ATP9B: variants seen among roughly 807,000 people sequenced by gnomAD.
ATP9B encodes the protein probable phospholipid-transporting ATPase IIB.
Under a neutral mutation model 146.1 loss-of-function variants are expected in ATP9B, and 110 were observed. The observed-to-expected ratio is 0.75, with a 90% CI of 0.65 to 0.88. The LOEUF (loss-of-function observed/expected upper bound fraction) is 0.88, where lower values mean the gene tolerates loss of function less well. Among genes scored for constraint, ATP9B ranks in the 40% least tolerant of loss-of-function variants. The pLI, the probability that ATP9B is intolerant of heterozygous loss-of-function variation, is 0.00. For missense variants in ATP9B, 1,499 were observed against 1,496.4 expected (o/e 1.00, Z -0.03); for synonymous variants, 604 against 569.7 (o/e 1.06, Z -0.86).
At chr18:79,114,233 T>A (rs983991307) in intron 4 of ATP9B, among the ~76,000 whole-genome samples, 21 of 152,236 alleles carry the variant, frequency 1.4e-4, no homozygotes, top group African/African-American at 4.8e-4. Flanking sequence ...GTGCTGGGAT[T>A]ACAGGCGTGA....
chr18:79,085,481 AGCTCATAGTTCACTG>A (rs1446828253), intron 1 of ATP9B: 1 of 152,220 alleles, frequency 6.6e-6, no homozygotes, highest in Non-Finnish European at 1.5e-5. Context: ...CACACATAGT[AGCTCATAGTTCACTG>A]GGAACGCAGT....
intron 11 of ATP9B, among the ~76,000 whole-genome samples, chr18:79,247,891 CAT>C (rs1487432767): frequency 2.6e-5 from 4 of 152,102 alleles, no homozygotes; most frequent in Non-Finnish European, 4.4e-5. Flanking sequence ...GGTAGGCAAA[CAT>C]GTAGGTTATG....
chr18:79,329,417 TAC>T, intron 16 of ATP9B, 115 bp downstream of exon 16: 5 of 1,220,254 alleles, frequency 4.1e-6, no homozygotes, highest in Non-Finnish European at 5.5e-6. Flanking sequence ...TTTATGCTGT[TAC>T]AGTTTTGTTT....
chr18:79,126,249 C>A lies in ATP9B; in HGVS notation c.559-18C>A. On this transcript the variant is annotated intron_variant, in intron 4 of 29. Coordinates refer to ENST00000426216, the MANE Select transcript of ATP9B (RefSeq NM_198531.5). ...GTTAAAGTTTAGTTTTCTAAAAATA[C>A]CTTATTTTGTTTTATAGGGATTTGT... The A allele has an allele frequency of 6.4e-7, 1 of 1,561,586 alleles. No homozygotes were observed. Among genetic ancestry groups the A allele is most frequent in the Non-Finnish European group, 8.7e-7 (1 of 1,148,714 alleles).
At chr18:79,224,139 A>T (rs2095707044) in intron 11 of ATP9B, among the ~76,000 whole-genome samples, 1 of 152,250 alleles carries the variant, frequency 6.6e-6, no homozygotes, top group Admixed American at 6.5e-5. Context: ...CTCTGTAATC[A>T]AAATTCCTAA....
chr18:79,341,895 A>C (rs1486463847), intron 19 of ATP9B, among the ~76,000 whole-genome samples: 1 of 152,212 alleles, frequency 6.6e-6, no homozygotes, highest in Non-Finnish European at 1.5e-5. Context: ...TCCTAAACGG[A>C]AACTGTCCAT....
intron 7 of ATP9B, among the ~76,000 whole-genome samples, chr18:79,165,250 C>T (rs1483861198): frequency 6.6e-6 from 1 of 152,228 alleles, no homozygotes; most frequent in Non-Finnish European, 1.5e-5. Context: ...CTGTCTGGCT[C>T]TGCCTACTCT....
chr18:79,177,297 A>G (rs1043156731), intron 8 of ATP9B, among the ~76,000 whole-genome samples: 2 of 152,128 alleles, frequency 1.3e-5, no homozygotes, highest in African/African-American at 4.8e-5. Flanking sequence ...ATACAGTAAC[A>G]TGATCATAGC....
intron 7 of ATP9B, among the ~76,000 whole-genome samples, chr18:79,162,646 G>A (rs965915638): frequency 2.0e-5 from 3 of 152,208 alleles, no homozygotes; most frequent in Non-Finnish European, 4.4e-5. Context: ...AGTGCTATTC[G>A]TCTTGCTACC....
At chr18:79,110,835 G>A (rs746286086) in intron 3 of ATP9B, among the ~76,000 whole-genome samples, 25 of 152,070 alleles carry the variant, frequency 1.6e-4, no homozygotes, top group Middle Eastern at 3.2e-3. Context: ...CAAGTTATAC[G>A]TTTTGTTTGT....
At chr18:79,356,399 A>G (rs2096953434) in intron 25 of ATP9B, among the ~76,000 whole-genome samples, 1 of 152,202 alleles carries the variant, frequency 6.6e-6, no homozygotes, top group African/African-American at 2.4e-5. Flanking sequence ...CTCCTGTCCA[A>G]AATAAATGGA....
intron 8 of ATP9B, among the ~76,000 whole-genome samples, chr18:79,181,787 A>G (rs551337410): frequency 1.9e-3 from 294 of 152,116 alleles, no homozygotes; most frequent in African/African-American, 6.7e-3. Context: ...TACCTTTTCT[A>G]TTCTTTCCTA....
chr18:79,274,489 G>A (rs951294378), intron 12 of ATP9B, among the ~76,000 whole-genome samples: 1 of 152,104 alleles, frequency 6.6e-6, no homozygotes, highest in African/African-American at 2.4e-5. Context: ...TAGTATATGT[G>A]CCCTATGTGG....
intron 1 of ATP9B, among the ~76,000 whole-genome samples, chr18:79,092,565 C>CA (rs2074418515): frequency 6.9e-6 from 1 of 145,486 alleles, no homozygotes; most frequent in African/African-American, 2.5e-5. Context: ...TATTGTTGCA[C>CA]AAAAATATTT....
chr18:79,193,945 A>G (rs1165714863), intron 9 of ATP9B, among the ~76,000 whole-genome samples: 1 of 152,212 alleles, frequency 6.6e-6, no homozygotes, highest in Non-Finnish European at 1.5e-5. Context: ...TCACTTGAAA[A>G]AGCATTTACA....
intron 15 of ATP9B, among the ~76,000 whole-genome samples, chr18:79,320,538 T>C (rs530044816): frequency 6.6e-6 from 1 of 152,350 alleles, no homozygotes; most frequent in African/African-American, 2.4e-5. Context: ...TATTTGTCAC[T>C]GAGCTAGCTG....
chr18:79,297,347 C>T (rs573010801), intron 13 of ATP9B, among the ~76,000 whole-genome samples: 1 of 145,478 alleles, frequency 6.9e-6, no homozygotes, highest in Admixed American at 6.8e-5. Context: ...CAGAGATGAC[C>T]CAGCCAGAGA....
intron 4 of ATP9B, among the ~76,000 whole-genome samples, chr18:79,122,841 T>G (rs1482068799): frequency 1.3e-5 from 2 of 152,214 alleles, no homozygotes; most frequent in Non-Finnish European, 2.9e-5. Context: ...ATTTCATTGC[T>G]GCTTTGTCAT....
rs1002429243 is a variant in ATP9B, at chr18:79,377,556, G to A, written c.*173G>A. ...ATGCTGAGACAGCCTCTCCTTCTCA[G>A]TGCAGGGACGTCACCCCTGCCAGGC... On this transcript the variant is annotated 3_prime_UTR_variant, in exon 30 of 30. Transcript: ENST00000426216. The A allele has an allele frequency of 3.6e-6, 3 of 835,706 alleles. No homozygotes were observed. The highest frequency in any genetic ancestry group is 3.4e-5 in the African/African-American group (2 of 58,154). 51.8% of individuals were successfully genotyped at this position (835,706 alleles called of 1,614,324 possible).
Sources: gnomAD v4.1 joint callset for allele counts (sites outside exome capture counted in the v4.1 genomes callset) on GRCh38, gnomAD v4.1.1 for gene constraint, MANE v1.5 for transcripts, NCBI Gene and HGNC (gene_info 2026-07-23, HGNC 2026-07-21) for gene names.